The following STT3B variants were observed in gnomAD, a reference collection of about 807,000 sequenced individuals.
STT3B encodes dolichyl-diphosphooligosaccharide--protein glycosyltransferase subunit STT3B.
In STT3B, 29 loss-of-function variants were observed where a neutral mutation model predicts 96.8. The ratio of observed to expected loss-of-function variants is 0.30; its 90% CI spans 0.22 to 0.41. STT3B has a LOEUF of 0.41. Among genes scored for constraint, STT3B ranks in the 10% least tolerant of loss-of-function variants. The probability of loss-of-function intolerance (pLI) is 1.00; values close to 1 mark genes in which losing one functional copy is unlikely to be tolerated. For synonymous variants in STT3B, 367 were observed against 360.0 expected (o/e 1.02, Z -0.22); for missense variants, 640 against 1,022.3 (o/e 0.63, Z 5.10).
chr3:31,544,729 G>A (rs1336668748), intron 1 of STT3B, among the ~76,000 whole-genome samples: 6 of 152,172 alleles, frequency 3.9e-5, no homozygotes, highest in South Asian at 4.1e-4. Context: ...TTGGGAGGCC[G>A]AGATAGGCGG....
chr3:31,540,275 TA>T (rs753027933), intron 1 of STT3B, among the ~76,000 whole-genome samples: 75 of 152,320 alleles, frequency 4.9e-4, no homozygotes, highest in Admixed American at 2.0e-4. Context: ...TGGTTGTCTG[TA>T]ATCTCCATAA....
chr3:31,574,568 T>A (rs527254287), intron 1 of STT3B, among the ~76,000 whole-genome samples: 1 of 152,284 alleles, frequency 6.6e-6, no homozygotes, highest in South Asian at 2.1e-4. Context: ...AAGATATCCC[T>A]TTTTAAATTC....
intron 15 of STT3B, among the ~76,000 whole-genome samples, chr3:31,634,477 T>C (rs913656451): frequency 5.9e-5 from 9 of 152,210 alleles, no homozygotes; most frequent in African/African-American, 1.9e-4. Flanking sequence ...CCAAAACATA[T>C]ATTGTGGTGG....
At chr3:31,551,713 T>G (rs189778727) in intron 1 of STT3B, among the ~76,000 whole-genome samples, 1 of 152,364 alleles carries the variant, frequency 6.6e-6, no homozygotes, top group African/African-American at 2.4e-5. Context: ...AGAGAGCCTG[T>G]TAATTGATAG....
intron 11 of STT3B, among the ~76,000 whole-genome samples, chr3:31,624,627 T>C (rs1326780929): frequency 6.6e-6 from 1 of 151,852 alleles, no homozygotes; most frequent in Admixed American, 6.6e-5. Context: ...ATTAGGCTTG[T>C]ACACTATTAG....
chr3:31,628,772 A>G (rs1699589411), intron 13 of STT3B, among the ~76,000 whole-genome samples: 1 of 152,182 alleles, frequency 6.6e-6, no homozygotes, highest in South Asian at 2.1e-4. Flanking sequence ...TAATTGAGAG[A>G]GCCAGCCTTA....
In STT3B at chr3:31,600,497, A is replaced by T. The variant is rs1178643609; in HGVS notation, c.877+38A>T. 4 of 913,026 alleles carry T rather than the reference A, an allele frequency of 4.4e-6. No individual in the cohort carries two copies. In the East Asian group the frequency reaches 9.8e-5, roughly 22 times the overall value. The allele number at this position is 913,026 out of a possible 1,614,324, so 56.6% of individuals were successfully genotyped here. On this transcript the variant is annotated intron_variant, in intron 5 of 15. Coordinates refer to ENST00000295770, the MANE Select transcript of STT3B (RefSeq NM_178862.3). ...ATTTTTGACATCTGTCAACTAAGAG[A>T]TGTTTTGTATTCATTCATTTTATTG...
chr3:31,563,658 A>G (rs1188633701), intron 1 of STT3B, among the ~76,000 whole-genome samples: 2 of 152,252 alleles, frequency 1.3e-5, no homozygotes, highest in Non-Finnish European at 2.9e-5. Context: ...GGTTAAGAGC[A>G]TTCCTCTTAG....
At chr3:31,587,430 G>C (rs933674029) in intron 3 of STT3B, among the ~76,000 whole-genome samples, 1 of 151,892 alleles carries the variant, frequency 6.6e-6, no homozygotes, top group Non-Finnish European at 1.5e-5. Context: ...TTTCAAATTA[G>C]ATGGGTTCTC....
intron 3 of STT3B, among the ~76,000 whole-genome samples, chr3:31,594,902 T>TG (rs1214770722): frequency 6.6e-6 from 1 of 152,136 alleles, no homozygotes; most frequent in African/African-American, 2.4e-5. Context: ...GCCATGGAGT[T>TG]GGGGTGCACC....
At chr3:31,633,303 G>T in intron 15 of STT3B, 156 bp downstream of exon 15, 1 of 690,450 alleles carries the variant, frequency 1.4e-6, no homozygotes, top group Non-Finnish European at 2.3e-6. Flanking sequence ...AGCCTGCTAG[G>T]AGCATTCCTT....
At chr3:31,594,085 T>G (rs1484778657) in intron 3 of STT3B, among the ~76,000 whole-genome samples, 1 of 152,220 alleles carries the variant, frequency 6.6e-6, no homozygotes, top group East Asian at 1.9e-4. Flanking sequence ...TATGTGTAAA[T>G]GAAGACCAAA....
At chr3:31,625,905 G>A in intron 12 of STT3B, 49 bp from the exon 13 acceptor site, 3 of 1,455,178 alleles carry the variant, frequency 2.1e-6, no homozygotes, top group Non-Finnish European at 2.8e-6. Flanking sequence ...TGATTTTTAT[G>A]AATGTGGGAA....
At chr3:31,588,929 G>A (rs1698606367) in intron 3 of STT3B, among the ~76,000 whole-genome samples, 2 of 151,974 alleles carry the variant, frequency 1.3e-5, no homozygotes, top group South Asian at 4.1e-4. Flanking sequence ...TGTAGTATCA[G>A]TCTTGTTTCA....
chr3:31,560,634 G>T (rs186512597), intron 1 of STT3B, among the ~76,000 whole-genome samples: 326 of 152,004 alleles, frequency 2.1e-3, no homozygotes, highest in Non-Finnish European at 3.4e-3. Flanking sequence ...TCTTATGGGG[G>T]TTTCTTTATA....
At chr3:31,628,088 G>T (rs1433965104) in intron 13 of STT3B, among the ~76,000 whole-genome samples, 2 of 151,792 alleles carry the variant, frequency 1.3e-5, no homozygotes. Flanking sequence ...AGATATTTCA[G>T]TGTTCTCACT....
chr3:31,632,709 C>T (rs1699689344), intron 14 of STT3B, among the ~76,000 whole-genome samples: 1 of 148,944 alleles, frequency 6.7e-6, no homozygotes, highest in Admixed American at 6.7e-5. Context: ...TGCTCATTTA[C>T]TCTAAGGATT....
At chr3:31,611,520 A>G (rs1201404317) in intron 5 of STT3B, among the ~76,000 whole-genome samples, 2 of 152,244 alleles carry the variant, frequency 1.3e-5, no homozygotes, top group East Asian at 3.9e-4. Flanking sequence ...TTATTTTGAG[A>G]TGGAGTTTCG....
At chr3:31,604,946 T>G (rs189997894) in intron 5 of STT3B, among the ~76,000 whole-genome samples, 1 of 152,328 alleles carries the variant, frequency 6.6e-6, no homozygotes, top group Non-Finnish European at 1.5e-5. Context: ...GGCCTTAATG[T>G]CCTCATGGGT....
Sources: gnomAD v4.1 joint callset for allele counts (sites outside exome capture counted in the v4.1 genomes callset) on GRCh38, gnomAD v4.1.1 for gene constraint, MANE v1.5 for transcripts, NCBI Gene and HGNC (gene_info 2026-07-23, HGNC 2026-07-21) for gene names.